The following HAVCR1 variants were observed in gnomAD, a reference collection of about 807,000 sequenced individuals.
HAVCR1 encodes the protein hepatitis A virus cellular receptor 1.
A neutral mutation model predicts 32.0 loss-of-function variants in HAVCR1; 34 were observed. The ratio of observed to expected loss-of-function variants is 1.06; its 90% CI spans 0.81 to 1.42. The LOEUF (loss-of-function observed/expected upper bound fraction) is 1.42. Among genes scored for constraint, HAVCR1 ranks in the 40% most tolerant of loss-of-function variants. The pLI, the probability that HAVCR1 is intolerant of heterozygous loss-of-function variation, is 0.00. For missense variants in HAVCR1, 420 were observed against 442.3 expected, an observed-to-expected ratio of 0.95 and a Z score of 0.45; for synonymous variants, 178 against 170.3, an observed-to-expected ratio of 1.05 and a Z score of -0.35.
chr5:157,064,183 G>A, the HAVCR1 span, among the ~76,000 whole-genome samples: 1 of 152,102 alleles, frequency 6.6e-6, no homozygotes, highest in Non-Finnish European at 1.5e-5. Context: ...AGAAGAGATG[G>A]GTTAGCAGTG....
chr5:157,043,753 T>G (rs1266385518), intron 5 of HAVCR1, among the ~76,000 whole-genome samples: 1 of 152,236 alleles, frequency 6.6e-6, no homozygotes, highest in African/African-American at 2.4e-5. Context: ...TACCATGTAG[T>G]GAACACTTTA....
At chr5:157,043,042 G>C (rs1361516409) in intron 5 of HAVCR1, among the ~76,000 whole-genome samples, 1 of 152,168 alleles carries the variant, frequency 6.6e-6, no homozygotes, top group African/African-American at 2.4e-5. Flanking sequence ...ATACTTTTAT[G>C]CTATCTAAAC....
chr5:157,069,030 G>A, the HAVCR1 span, among the ~76,000 whole-genome samples: 21 of 152,286 alleles, frequency 1.4e-4, no homozygotes, highest in East Asian at 1.9e-3. Context: ...TATGTATTGC[G>A]CCTAAAGTCA....
intron 1 of HAVCR1, 182 bp from the exon 2 acceptor site, chr5:157,058,137 C>A: frequency 1.8e-6 from 1 of 571,174 alleles, no homozygotes. Flanking sequence ...TTCCCTGCAG[C>A]TGAGAGCTCT....
chr5:157,033,995 G>C (rs1216496901), intron 7 of HAVCR1, among the ~76,000 whole-genome samples: 6 of 152,242 alleles, frequency 3.9e-5, no homozygotes, highest in Non-Finnish European at 8.8e-5. Context: ...AGAGGTTGCA[G>C]TGAGCTTTAA....
chr5:157,064,956 T>A, the HAVCR1 span, among the ~76,000 whole-genome samples: 3 of 152,214 alleles, frequency 2.0e-5, no homozygotes, highest in Non-Finnish European at 2.9e-5. Flanking sequence ...GAGTTTGACA[T>A]GTCTTAGACC....
chr5:157,047,522 C>T (rs113444857), intron 5 of HAVCR1, among the ~76,000 whole-genome samples: 62 of 151,514 alleles, frequency 4.1e-4, no homozygotes, highest in African/African-American at 1.5e-3. Context: ...TGCCCTCTAG[C>T]CTGGGTGATG....
chr5:157,045,319 G>T (rs756150585), intron 5 of HAVCR1, among the ~76,000 whole-genome samples: 1 of 152,058 alleles, frequency 6.6e-6, no homozygotes, highest in Non-Finnish European at 1.5e-5. Context: ...GCTACAGTAC[G>T]CATGAACTAC....
chr5:157,045,145 A>T (rs547660111), intron 5 of HAVCR1, among the ~76,000 whole-genome samples: 5 of 152,324 alleles, frequency 3.3e-5, no homozygotes, highest in South Asian at 2.1e-4. Context: ...GAACGATATT[A>T]ACAGCAATAA....
chr5:157,057,264 C>T (rs1021097552), intron 2 of HAVCR1, among the ~76,000 whole-genome samples: 2 of 150,480 alleles, frequency 1.3e-5, no homozygotes, highest in African/African-American at 2.5e-5. Flanking sequence ...TGCAGTGAGC[C>T]GAGATCACGC....
intron 8 of HAVCR1, among the ~76,000 whole-genome samples, chr5:157,031,584 G>A (rs139887533): frequency 0.014 from 2,148 of 152,180 alleles, 17 homozygotes; most frequent in South Asian, 0.057. Flanking sequence ...AGCACTTTGG[G>A]AGGCCAAGGT....
intron 8 of HAVCR1, 95 bp from the exon 9 acceptor site, chr5:157,029,936 T>C (rs1754074700): frequency 2.0e-6 from 2 of 995,674 alleles, no homozygotes; most frequent in African/African-American, 1.6e-5. Context: ...TCAGGCAATA[T>C]CAGGTATTCG....
upstream of HAVCR1, among the ~76,000 whole-genome samples, chr5:157,061,089 A>T (rs1450939467): frequency 6.6e-6 from 1 of 151,938 alleles, no homozygotes; most frequent in South Asian, 2.1e-4. Flanking sequence ...GCAGAGGTGG[A>T]GTTTCACCAT....
At chr5:157,031,081 T>A (rs1754144756) in intron 8 of HAVCR1, among the ~76,000 whole-genome samples, 1 of 152,032 alleles carries the variant, frequency 6.6e-6, no homozygotes, top group Non-Finnish European at 1.5e-5. Flanking sequence ...GAGCACAGAT[T>A]CGTGAGATTG....
At chr5:157,068,132 G>A in the HAVCR1 span, among the ~76,000 whole-genome samples, 696 of 152,232 alleles carry the variant, frequency 4.6e-3, 8 homozygotes, top group African/African-American at 0.016. Context: ...AAATTAGCCA[G>A]GCATGGTTGC....
chr5:157,049,454 C>T (rs916958476), intron 4 of HAVCR1, among the ~76,000 whole-genome samples: 7 of 152,218 alleles, frequency 4.6e-5, no homozygotes, highest in Non-Finnish European at 8.8e-5. Flanking sequence ...ACTTTCTATA[C>T]TCCCAGGTTC....
chr5:157,066,110 G>C, the HAVCR1 span, among the ~76,000 whole-genome samples: 1 of 147,090 alleles, frequency 6.8e-6, no homozygotes, highest in Non-Finnish European at 1.5e-5. Context: ...TACAGAAATG[G>C]AAGCAGCCCA....
In HAVCR1 at chr5:157,042,638, T is replaced by C; in HGVS notation, c.826A>G (p.Asn276Asp). 1.3e-6 allele frequency: 2 copies of C among 1,592,162 alleles called. No homozygotes were observed. Among genetic ancestry groups the C allele is most frequent in the Non-Finnish European group, 1.7e-6 (2 of 1,161,198 alleles). Residue 276 changes from asparagine (N) to aspartate (D), a missense_variant, in exon 6 of 9, where the codon AAC becomes GAC. Asn to Asp is a conservative substitution (Grantham distance 23). Transcript: ENST00000523175. The part of the protein sequence containing the change: ...VTESSDGLWN[N>D]NQTQLFLEHS... ...CGGAATATGCTTACAGTTTGATTGTTATTCCAAAGGCCATCTGAAGACTCT... is the reference window on the plus strand; with the variant it reads ...CGGAATATGCTTACAGTTTGATTGTCATTCCAAAGGCCATCTGAAGACTCT...
chr5:157,029,735 A>G lies in HAVCR1; in HGVS notation c.1093T>C (p.Ter365GlnextTer12), dbSNP rs776039147. The part of the protein sequence containing the change: ...YIENSLYATD[*>Q] Reference sequence around the variant, plus strand: ...CTCTCAAAGAGCACCACTGGGTCTTAGTCCGTGGCATAAAGACTATTCTCA... The same window carrying G: ...CTCTCAAAGAGCACCACTGGGTCTTGGTCCGTGGCATAAAGACTATTCTCA... The change falls in exon 9 of 9, where the codon TAA becomes CAA. Residue 365 changes from the stop codon to glutamine, a stop_lost. Transcript: ENST00000523175. 1 of 1,613,082 alleles carries G rather than the reference A, an allele frequency of 6.2e-7. No individual in the cohort carries two copies. The highest frequency in any genetic ancestry group is 8.5e-7 in the Non-Finnish European group (1 of 1,179,864).
Sources: allele counts gnomAD v4.1 joint callset (sites outside exome capture counted in the v4.1 genomes callset), GRCh38; gene constraint gnomAD v4.1.1; transcripts MANE v1.5; gene names NCBI Gene and HGNC (gene_info 2026-07-23, HGNC 2026-07-21).